TAFA2: variants seen among roughly 807,000 people sequenced by gnomAD.
TAFA2 encodes the protein TAFA chemokine like family member 2.
In TAFA2, 7 loss-of-function variants were observed where a neutral mutation model predicts 18.8. The observed-to-expected ratio is 0.37, with a 90% CI of 0.21 to 0.70. The LOEUF (loss-of-function observed/expected upper bound fraction) is 0.70. Ranked by LOEUF, TAFA2 falls within the 30% of genes least tolerant of loss-of-function variation. TAFA2 has a pLI of 0.53. For missense variants in TAFA2, 122 were observed against 158.1 expected, an observed-to-expected ratio of 0.77 and a Z score of 1.23; for synonymous variants, 60 against 54.2, an observed-to-expected ratio of 1.11 and a Z score of -0.47.
At chr12:61,823,215 C>T (rs867084519) in intron 2 of TAFA2, among the ~76,000 whole-genome samples, 8 of 151,732 alleles carry the variant, frequency 5.3e-5, no homozygotes, top group African/African-American at 1.7e-4. Flanking sequence ...CTCTGTTGTC[C>T]AGGCTGGAGT....
intron 1 of TAFA2, among the ~76,000 whole-genome samples, chr12:62,166,054 C>T (rs1281900580): frequency 6.6e-6 from 1 of 151,876 alleles, no homozygotes; most frequent in African/African-American, 2.4e-5. Context: ...CATGAATGTC[C>T]CCCAGGAAAG....
chr12:62,207,062 C>G (rs926626143), intron 1 of TAFA2: 5 of 152,184 alleles, frequency 3.3e-5, no homozygotes, highest in African/African-American at 1.2e-4. Context: ...TTTAGGAAAA[C>G]ATACTTAATT....
At chr12:61,812,237 A>G (rs1871901315) in intron 2 of TAFA2, among the ~76,000 whole-genome samples, 1 of 151,478 alleles carries the variant, frequency 6.6e-6, no homozygotes, top group South Asian at 2.1e-4. Context: ...ACTCCTAGTA[A>G]CTGACCTGGA....
chr12:61,972,548 A>G (rs1260875903), intron 1 of TAFA2, among the ~76,000 whole-genome samples: 1 of 151,674 alleles, frequency 6.6e-6, no homozygotes, highest in African/African-American at 2.4e-5. Flanking sequence ...GATGATATGC[A>G]TGGTATAGAG....
At chr12:62,056,184 T>C (rs114860448) in intron 1 of TAFA2, among the ~76,000 whole-genome samples, 3,195 of 152,280 alleles carry the variant, frequency 0.021, 77 homozygotes, top group African/African-American at 0.05. Context: ...AATGCTTTTA[T>C]TATGAGGGGG....
chr12:62,071,756 A>T (rs563911462), intron 1 of TAFA2, among the ~76,000 whole-genome samples: 43 of 152,286 alleles, frequency 2.8e-4, no homozygotes, highest in African/African-American at 8.4e-4. Flanking sequence ...GGCTGACAGG[A>T]TAAATGTGGA....
intron 1 of TAFA2, among the ~76,000 whole-genome samples, chr12:61,958,719 T>C (rs1878782015): frequency 6.6e-6 from 1 of 152,032 alleles, no homozygotes; most frequent in Non-Finnish European, 1.5e-5. Context: ...TTACATGTGT[T>C]TTCCAGATCT....
intron 1 of TAFA2, among the ~76,000 whole-genome samples, chr12:62,230,319 G>A (rs543128355): frequency 1.1e-4 from 16 of 151,318 alleles, no homozygotes; most frequent in African/African-American, 3.4e-4. Context: ...ATCTGAAATC[G>A]TTCTATGTTT....
chr12:61,803,542 A>G (rs765320383), intron 2 of TAFA2, among the ~76,000 whole-genome samples: 1 of 151,946 alleles, frequency 6.6e-6, no homozygotes, highest in Non-Finnish European at 1.5e-5. Flanking sequence ...TGTACAGCTT[A>G]TGGATTAAAA....
chr12:61,983,445 G>A (rs1879710133), intron 1 of TAFA2, among the ~76,000 whole-genome samples: 1 of 151,850 alleles, frequency 6.6e-6, no homozygotes, highest in Admixed American at 6.6e-5. Context: ...GTCTCAATCT[G>A]TAGCCAGGCT....
At chr12:62,244,581 G>A (rs758937856) in intron 1 of TAFA2, among the ~76,000 whole-genome samples, 1 of 151,950 alleles carries the variant, frequency 6.6e-6, no homozygotes, top group African/African-American at 2.4e-5. Context: ...GTTTCACTAC[G>A]GTAGATTCCA....
At chr12:61,846,111 C>T (rs1196916458) in intron 2 of TAFA2, among the ~76,000 whole-genome samples, 3 of 152,112 alleles carry the variant, frequency 2.0e-5, no homozygotes, top group Admixed American at 6.6e-5. Context: ...AAATATGAAA[C>T]TTTAGCTAAA....
At chr12:61,912,989 G>A (rs964131287) in intron 1 of TAFA2, among the ~76,000 whole-genome samples, 5 of 152,148 alleles carry the variant, frequency 3.3e-5, no homozygotes, top group Admixed American at 1.3e-4. Flanking sequence ...AAGGTCTGGT[G>A]AAAACCATAA....
intron 4 of TAFA2, among the ~76,000 whole-genome samples, chr12:61,729,921 C>T (rs1382218062): frequency 3.3e-5 from 5 of 151,996 alleles, no homozygotes; most frequent in South Asian, 2.1e-4. Flanking sequence ...GGTGATCCCT[C>T]GATGTGGCAC....
In TAFA2 at chr12:61,936,857, G is replaced by A. The variant is rs184350416; in HGVS notation, c.-1-69431C>T. 3.1e-3 allele frequency among the ~76,000 whole-genome samples: 472 copies of A among 152,082 alleles called. 2 individuals are homozygous for A. Among genetic ancestry groups the A allele is most frequent in the Non-Finnish European group, 5.5e-3 (372 of 67,982 alleles). ...GAAAGAAATGAAGGGCATCCAAATT[G>A]GAAAATAGGAAATCAAACTATCACT... is the stretch of plus-strand genomic sequence containing the variant. On this transcript the variant is annotated intron_variant, in intron 1 of 4. Coordinates refer to ENST00000416284, the MANE Select transcript of TAFA2 (RefSeq NM_178539.5).
intron 1 of TAFA2, among the ~76,000 whole-genome samples, chr12:62,244,119 G>C (rs1463305690): frequency 7.0e-6 from 1 of 143,772 alleles, no homozygotes; most frequent in Non-Finnish European, 1.5e-5. Context: ...GGAATGTATT[G>C]TATGCTCATT....
In TAFA2 at chr12:61,898,777, C is replaced by T. The variant is rs74803906; in HGVS notation, c.-1-31351G>A. Among the ~76,000 whole-genome samples, 831 of 152,332 alleles carry T rather than the reference C, an allele frequency of 5.5e-3. 6 individuals are homozygous for T. The highest frequency in any genetic ancestry group is 0.018 in the African/African-American group (747 of 41,574). On this transcript the variant is annotated intron_variant, in intron 1 of 4. Transcript: ENST00000416284. ...TGTTCCCCATTGACTTGATGATTAA[C>T]ATTCAGCTCCTCATTACTTATGTAA...
chr12:62,225,782 T>C (rs967007713), intron 1 of TAFA2, among the ~76,000 whole-genome samples: 2 of 152,236 alleles, frequency 1.3e-5, no homozygotes, highest in Non-Finnish European at 2.9e-5. Flanking sequence ...TATGAATTTT[T>C]ACATGTAAGT....
chr12:61,926,529 AGG>A (rs963574216), intron 1 of TAFA2, among the ~76,000 whole-genome samples: 2 of 152,228 alleles, frequency 1.3e-5, no homozygotes, highest in Admixed American at 6.5e-5. Context: ...CTGGAATGCA[AGG>A]CTGGTCCAAC....
Sources: gnomAD v4.1 joint callset for allele counts (sites outside exome capture counted in the v4.1 genomes callset) on GRCh38, gnomAD v4.1.1 for gene constraint, MANE v1.5 for transcripts, NCBI Gene and HGNC (gene_info 2026-07-23, HGNC 2026-07-21) for gene names.